Variants in RBFOX3 observed in about 807,000 individuals in gnomAD.
RBFOX3 encodes the protein RNA binding fox-1 homolog 3.
Under a neutral mutation model 48.7 loss-of-function variants are expected in RBFOX3, and 17 were observed. That is an observed-to-expected ratio of 0.35 (90% confidence interval 0.24 to 0.52). The LOEUF is 0.52. RBFOX3 is among the 20% of genes least tolerant of loss of function. RBFOX3 has a pLI of 0.94. For synonymous variants in RBFOX3, 212 were observed against 209.5 expected (o/e 1.01, Z -0.10); for missense variants, 382 against 497.5 (o/e 0.77, Z 2.21).
rs1291409153 is a variant in RBFOX3 at position 79,235,784 on chromosome 17, T to TC, written c.-53dup. ...TTTATACCTTTTATTCAGCCAATTT[T>TC]CCCCGAGGCACTCTGGGCTCTCTAA... is the stretch of plus-strand genomic sequence containing the variant. On this transcript the variant is annotated 5_prime_UTR_variant, in exon 4 of 15. Transcript: ENST00000693108. 1.3e-5 allele frequency: 2 copies of TC among 153,658 alleles called. No individual in the cohort carries two copies. The highest frequency in any genetic ancestry group is 4.8e-5 in the African/African-American group (2 of 41,412). 9.5% of individuals were successfully genotyped at this position (153,658 alleles called of 1,614,324 possible).
At chr17:79,407,006 G>C (rs1323570931) in intron 2 of RBFOX3, among the ~76,000 whole-genome samples, 6 of 152,130 alleles carry the variant, frequency 3.9e-5, no homozygotes, top group Non-Finnish European at 8.8e-5. Context: ...GTGCATGCTT[G>C]TGTGTTTTTG....
intron 1 of RBFOX3, among the ~76,000 whole-genome samples, chr17:79,566,217 A>G (rs2092448168): frequency 6.6e-6 from 1 of 152,208 alleles, no homozygotes; most frequent in African/African-American, 2.4e-5. Flanking sequence ...ATCAGCTTTC[A>G]TTTGTTATTC....
chr17:79,112,917 G>C (rs1200552240), intron 5 of RBFOX3, among the ~76,000 whole-genome samples: 1 of 109,566 alleles, frequency 9.1e-6, no homozygotes, highest in African/African-American at 3.8e-5. Flanking sequence ...GGGGGGGGTG[G>C]GCTGGGTAGG....
intron 4 of RBFOX3, among the ~76,000 whole-genome samples, chr17:79,122,623 C>G (rs1040423332): frequency 6.6e-6 from 1 of 152,196 alleles, no homozygotes; most frequent in Non-Finnish European, 1.5e-5. Context: ...TAAATTAGAA[C>G]AACCACTACG....
chr17:79,118,115 C>A (rs2034600223), intron 4 of RBFOX3, among the ~76,000 whole-genome samples: 1 of 152,046 alleles, frequency 6.6e-6, no homozygotes, highest in African/African-American at 2.4e-5. Context: ...CCGGCCGGCC[C>A]TGGGCTCTGC....
chr17:79,620,585 GCACACACA>G, the RBFOX3 span, among the ~76,000 whole-genome samples: 9 of 131,954 alleles, frequency 6.8e-5, no homozygotes, highest in African/African-American at 2.9e-4. Flanking sequence ...ACACACGCAC[GCACACACA>G]CGCACGCACG....
chr17:79,351,609 T>A (rs764131831), intron 2 of RBFOX3, among the ~76,000 whole-genome samples: 2 of 152,234 alleles, frequency 1.3e-5, no homozygotes, highest in African/African-American at 2.4e-5. Context: ...TCTTCTCATG[T>A]GCCTGTTGGC....
intron 1 of RBFOX3, among the ~76,000 whole-genome samples, chr17:79,545,480 A>T (rs1379891227): frequency 6.6e-6 from 1 of 152,102 alleles, no homozygotes; most frequent in Non-Finnish European, 1.5e-5. Flanking sequence ...GCCTCTCCCC[A>T]CTTCGGCCAC....
In RBFOX3 at chr17:79,423,154, C is replaced by G. The variant is rs966471181; in HGVS notation, c.-175+59300G>C. Among the ~76,000 whole-genome samples the G allele has an allele frequency of 2.6e-5, 4 of 152,186 alleles. No homozygotes were observed. The highest frequency in any genetic ancestry group is 9.7e-5 in the African/African-American group (4 of 41,446). On this transcript the variant is annotated intron_variant, in intron 2 of 14. Transcript: ENST00000693108. This position sits in a 1 kb window ranked among gnomAD's most constrained non-coding sequence, Gnocchi z 4.9. Reference sequence around the variant, plus strand: ...CCAGTGGCCAACTAGTCACCCCCACCAGAGTTTTCAAACGTGTCTTGGCGT... The same window carrying G: ...CCAGTGGCCAACTAGTCACCCCCACGAGAGTTTTCAAACGTGTCTTGGCGT...
chr17:79,458,386 C>T (rs2074881233), intron 2 of RBFOX3, among the ~76,000 whole-genome samples: 1 of 152,176 alleles, frequency 6.6e-6, no homozygotes. Context: ...AACCAGGAAA[C>T]CGAGATGGGG....
chr17:79,113,909 T>A (rs1371635951), intron 5 of RBFOX3, among the ~76,000 whole-genome samples: 1 of 152,174 alleles, frequency 6.6e-6, no homozygotes. Flanking sequence ...CTGTGTCTGG[T>A]GGCCCCAGGT....
Position 79,115,654 on chromosome 17 carries a change from T to G in RBFOX3, c.62A>C (p.Glu21Ala), listed in dbSNP as rs1167103679. The change falls in exon 5 of 15, where the codon GAG becomes GCG. Residue 21 changes from glutamate (E) to alanine (A), a missense_variant. Around this residue, in one of 3 missense-constraint regions of RBFOX3, gnomAD observed 118 missense variants for 132.1 expected, o/e 0.89. Coordinates refer to ENST00000693108, the MANE Select transcript of RBFOX3 (RefSeq NM_001350451.2). ...GGGGTGCGGTGGGGGCGGGGCGTAC[T>G]CGGCAGGGATGCCGTTCTGTGGCGG... ...PPPPQNGIPA[E>A]YAPPPPHPTQ... The G allele has an allele frequency of 1.3e-5, 14 of 1,113,654 alleles. No homozygotes were observed. Among genetic ancestry groups the G allele is most frequent in the Non-Finnish European group, 1.6e-5 (14 of 885,946 alleles). 69.0% of individuals were successfully genotyped at this position (1,113,654 alleles called of 1,614,324 possible). A position where few individuals can be genotyped will look rare whatever the true frequency, so the allele number is the denominator to read the frequency against.
intron 2 of RBFOX3, among the ~76,000 whole-genome samples, chr17:79,325,058 C>T (rs796940601): frequency 7.2e-5 from 11 of 152,354 alleles, no homozygotes; most frequent in African/African-American, 2.6e-4. Context: ...TAGAAAATGT[C>T]CAAGCCCTTC....
intron 3 of RBFOX3, among the ~76,000 whole-genome samples, chr17:79,266,899 C>T (rs1293583690): frequency 6.6e-6 from 1 of 152,088 alleles, no homozygotes; most frequent in Non-Finnish European, 1.5e-5. Context: ...CTGCTCAGAC[C>T]TCACCCTCCC....
At chr17:79,427,762 C>T (rs2067651162) in intron 2 of RBFOX3, among the ~76,000 whole-genome samples, 1 of 152,258 alleles carries the variant, frequency 6.6e-6, no homozygotes, top group African/African-American at 2.4e-5. Context: ...TGACAAACCC[C>T]ACCTGCACAC....
rs532676745 is a variant in RBFOX3, at chr17:79,175,411, G to A, written c.-33-59663C>T. On this transcript the variant is annotated intron_variant, in intron 4 of 14. Transcript: ENST00000693108. The stretch of plus-strand genomic sequence containing the variant: ...AGTCCCTGTCATAACGGCTTCAGAT[G>A]GACACGGACCTATGACCACTCCCAA... Among the ~76,000 whole-genome samples the A allele has an allele frequency of 1.1e-4, 16 of 152,360 alleles. No individual in the cohort carries two copies. In the East Asian group the frequency reaches 3.1e-3, roughly 29 times the overall value.
At chr17:79,121,065 A>T (rs2035616641) in intron 4 of RBFOX3, among the ~76,000 whole-genome samples, 2 of 151,040 alleles carry the variant, frequency 1.3e-5, no homozygotes, top group Non-Finnish European at 3.0e-5. Context: ...CTTTATCCTC[A>T]CTCTTGGTGA....
chr17:79,537,975 C>T (rs1599080995), intron 1 of RBFOX3, among the ~76,000 whole-genome samples: 1 of 152,148 alleles, frequency 6.6e-6, no homozygotes, highest in East Asian at 1.9e-4. Context: ...GCACTGGGTG[C>T]TGTGGTGGGG....
At chr17:79,448,188 G>T (rs1452258405) in intron 2 of RBFOX3, among the ~76,000 whole-genome samples, 1 of 152,146 alleles carries the variant, frequency 6.6e-6, no homozygotes, top group Non-Finnish European at 1.5e-5. Flanking sequence ...TAATACAATG[G>T]TTCAGGAGCC....
Sources: allele counts gnomAD v4.1 joint callset (sites outside exome capture counted in the v4.1 genomes callset), GRCh38; gene constraint gnomAD v4.1.1; regional missense constraint gnomAD v4.1.1; non-coding constraint Gnocchi (gnomAD v3.1); transcripts MANE v1.5; gene names NCBI Gene and HGNC (gene_info 2026-07-23, HGNC 2026-07-21).